Variants in UBXN7 observed in about 807,000 individuals in gnomAD.
The protein encoded by UBXN7 is UBX domain protein 7.
UBXN7 carries 9 observed loss-of-function variants against 58.0 expected under a neutral mutation model. The ratio of observed to expected loss-of-function variants is 0.16; its 90% CI spans 0.09 to 0.27. UBXN7 has a LOEUF of 0.27. Ranked by LOEUF, UBXN7 falls within the 10% of genes least tolerant of loss-of-function variation. The pLI is 1.00. For missense variants in UBXN7, 328 were observed against 599.6 expected (o/e 0.55, Z 4.73); for synonymous variants, 208 against 205.0 (o/e 1.01, Z -0.12).
At chr3:196,411,752 G>T (rs1024825710) in intron 1 of UBXN7, among the ~76,000 whole-genome samples, 5 of 152,170 alleles carry the variant, frequency 3.3e-5, no homozygotes, top group African/African-American at 1.2e-4. Context: ...GGAGGTTGCA[G>T]TGAGCCAAGA....
intron 1 of UBXN7, among the ~76,000 whole-genome samples, chr3:196,427,386 C>T (rs1730882618): frequency 1.3e-5 from 2 of 152,206 alleles, no homozygotes; most frequent in Admixed American, 1.3e-4. Context: ...GGCTGGATCT[C>T]GGCTCACTGC....
At chr3:196,431,761 T>C (rs1387824925) in intron 1 of UBXN7, 1 of 442,820 alleles carries the variant, frequency 2.3e-6, no homozygotes, top group South Asian at 1.6e-5. Flanking sequence ...CCCCGTGAAG[T>C]GTAAAGGCAC....
chr3:196,389,142 A>T (rs1241381588), intron 5 of UBXN7, among the ~76,000 whole-genome samples: 2 of 152,202 alleles, frequency 1.3e-5, no homozygotes, highest in Admixed American at 1.3e-4. Flanking sequence ...ATAAAAATAG[A>T]ACACGTGCCA....
At chr3:196,430,248 G>A (rs1730984126) in intron 1 of UBXN7, among the ~76,000 whole-genome samples, 1 of 151,770 alleles carries the variant, frequency 6.6e-6, no homozygotes, top group Non-Finnish European at 1.5e-5. Flanking sequence ...CCAGCTACTC[G>A]GGAGGCTGAG....
chr3:196,372,125 C>A, intron 5 of UBXN7, 83 bp from the exon 6 acceptor site: 1 of 1,451,702 alleles, frequency 6.9e-7, no homozygotes, highest in South Asian at 1.4e-5. Flanking sequence ...AGGTTGTTGT[C>A]TTTCATTAAA....
chr3:196,403,150 G>T, intron 2 of UBXN7, 131 bp from the exon 3 acceptor site: 1 of 968,964 alleles, frequency 1.0e-6, no homozygotes, highest in Non-Finnish European at 1.5e-6. Flanking sequence ...AAGTTTTTGT[G>T]TTGCTATTTT....
intron 5 of UBXN7, among the ~76,000 whole-genome samples, chr3:196,386,685 A>ACTAAC (rs1729412862): frequency 6.6e-6 from 1 of 152,226 alleles, no homozygotes; most frequent in African/African-American, 2.4e-5. Context: ...AAGGAGAACT[A>ACTAAC]CTAACCACTG....
At chr3:196,408,741 G>A (rs977045994) in intron 1 of UBXN7, among the ~76,000 whole-genome samples, 2 of 152,106 alleles carry the variant, frequency 1.3e-5, no homozygotes, top group African/African-American at 4.8e-5. Flanking sequence ...GCATTCCAAT[G>A]TCCTCTGGCT....
In UBXN7 at chr3:196,423,061, T is replaced by G. The variant is rs537611316; in HGVS notation, c.73+9266A>C. Reference sequence around the variant, plus strand: ...GGAAAACAGGAGACTAAAAACAGACTAGGCTATGGGCAGCCCAGCCCGCCA... The same window carrying G: ...GGAAAACAGGAGACTAAAAACAGACGAGGCTATGGGCAGCCCAGCCCGCCA... On this transcript the variant is annotated intron_variant, in intron 1 of 10. Transcript: ENST00000296328. 1.2e-3 allele frequency among the ~76,000 whole-genome samples: 190 copies of G among 152,322 alleles called. 1 individual carries two copies. The highest frequency in any genetic ancestry group is 2.2e-3 in the Non-Finnish European group (148 of 68,016).
chr3:196,376,545 C>CAAAAAAAAAAAAAAAAAAAAA (rs777458391), intron 5 of UBXN7, among the ~76,000 whole-genome samples: 4 of 50,924 alleles, frequency 7.9e-5, no homozygotes, highest in Non-Finnish European at 1.2e-4. Flanking sequence ...GACTCTGTCT[C>CAAAAAAAAAAAAAAAAAAAAA]AAAAAAAAAA....
chr3:196,407,292 G>C lies in UBXN7; in HGVS notation c.175C>G (p.Pro59Ala), dbSNP rs1266328241. 4.3e-6 allele frequency: 7 copies of C among 1,613,942 alleles called. No homozygotes were observed. The highest frequency in any genetic ancestry group is 5.9e-6 in the Non-Finnish European group (7 of 1,180,014). Residue 59 changes from proline to alanine, a missense_variant, in exon 2 of 11, where the codon CCC (proline) becomes GCC (alanine). This residue lies in a region of UBXN7 where 106 missense variants were observed against 124.3 expected (regional missense o/e 0.85). Transcript: ENST00000296328. Reference sequence around the variant, plus strand: ...GAGACACTTGCTGAACTGGTACTGGGCTCTTCAGCGATTCCTCCACCATCC... The same window carrying C: ...GAGACACTTGCTGAACTGGTACTGGCCTCTTCAGCGATTCCTCCACCATCC... ...FLDGGGIAEE[P>A]STSSASVSTV...
intron 2 of UBXN7, 123 bp from the exon 3 acceptor site, chr3:196,403,142 G>T: frequency 9.9e-7 from 1 of 1,011,234 alleles, no homozygotes; most frequent in South Asian, 1.7e-5. Context: ...GTAATAATAA[G>T]TTTTTGTGTT....
At chr3:196,382,118 C>T (rs550289183) in intron 5 of UBXN7, among the ~76,000 whole-genome samples, 2 of 152,214 alleles carry the variant, frequency 1.3e-5, no homozygotes, top group Non-Finnish European at 2.9e-5. Context: ...GGCCAACATT[C>T]AAATTCAGGA....
intron 1 of UBXN7, among the ~76,000 whole-genome samples, chr3:196,425,259 G>A (rs940406103): frequency 1.3e-5 from 2 of 151,584 alleles, no homozygotes; most frequent in Non-Finnish European, 2.9e-5. Flanking sequence ...CATACCTTTT[G>A]GAGTCCACTT....
At chr3:196,429,284 G>A (rs529328505) in intron 1 of UBXN7, among the ~76,000 whole-genome samples, 15 of 150,282 alleles carry the variant, frequency 1.0e-4, no homozygotes, top group African/African-American at 3.2e-4. Flanking sequence ...CCAACATCAC[G>A]CCACTGCACT....
At chr3:196,415,265 C>T (rs1207877876) in intron 1 of UBXN7, among the ~76,000 whole-genome samples, 1 of 151,030 alleles carries the variant, frequency 6.6e-6, no homozygotes, top group Non-Finnish European at 1.5e-5. Context: ...GTGATTCTCC[C>T]GCCTCAGCCT....
intron 1 of UBXN7, among the ~76,000 whole-genome samples, chr3:196,422,703 C>T (rs1203512755): frequency 6.6e-6 from 1 of 152,038 alleles, no homozygotes; most frequent in African/African-American, 2.4e-5. Flanking sequence ...CAGAAAGTCA[C>T]AAATTATTTG....
chr3:196,360,548 A>G (rs1001148726), intron 10 of UBXN7, among the ~76,000 whole-genome samples: 2 of 152,218 alleles, frequency 1.3e-5, no homozygotes, highest in African/African-American at 2.4e-5. Context: ...AAATATTTTA[A>G]GCCCACTGTT....
chr3:196,402,965 T>C lies in UBXN7; in HGVS notation c.276A>G (p.Glu92=), dbSNP rs1730039526. Residue 92 remains glutamate, a synonymous_variant, in exon 3 of 11, where the codon GAA becomes GAG. Transcript: ENST00000296328. The part of the protein sequence containing the change: ...PQKQEILVEP[E]PLFGAPKRRR... The stretch of plus-strand genomic sequence containing the variant: ...AAGTGAACTTACCACCAAATAATGG[T>C]TCTGGTTCCACCAGTATTTCCTGCT... 1 of 1,599,450 alleles carries C rather than the reference T, an allele frequency of 6.3e-7. No homozygotes were observed. The highest frequency in any genetic ancestry group is 1.8e-5 in the Admixed American group (1 of 54,724).
Sources: gnomAD v4.1 joint callset for allele counts (sites outside exome capture counted in the v4.1 genomes callset) on GRCh38, gnomAD v4.1.1 for gene constraint, gnomAD v4.1.1 regional missense constraint, MANE v1.5 for transcripts, NCBI Gene and HGNC (gene_info 2026-07-23, HGNC 2026-07-21) for gene names.